TENM2: variants seen among roughly 807,000 people sequenced by gnomAD.
TENM2 encodes the protein teneurin transmembrane protein 2, also known as teneurin-2.
Under a neutral mutation model 245.2 loss-of-function variants are expected in TENM2, and 52 were observed. The observed-to-expected ratio is 0.21, with a 90% confidence interval of 0.17 to 0.27. TENM2 has a LOEUF of 0.27. Ranked by LOEUF, TENM2 falls within the 10% of genes least tolerant of loss-of-function variation. The probability of loss-of-function intolerance (pLI) is 1.00; values close to 1 mark genes in which losing one functional copy is unlikely to be tolerated. For missense variants in TENM2, 3,046 were observed against 3,666.8 expected (o/e 0.83, Z 4.37); for synonymous variants, 1,363 against 1,438.9 (o/e 0.95, Z 1.19).
intron 6 of TENM2, among the ~76,000 whole-genome samples, chr5:168,059,078 A>G (rs999309128): frequency 3.9e-5 from 6 of 152,200 alleles, no homozygotes; most frequent in Non-Finnish European, 7.3e-5. Context: ...TGAGGAAGCG[A>G]GGATCTAAAA....
chr5:167,190,286 A>G, the TENM2 span, among the ~76,000 whole-genome samples: 250 of 152,210 alleles, frequency 1.6e-3, no homozygotes, highest in African/African-American at 5.7e-3. Flanking sequence ...ATCAAGGATG[A>G]GAAAATACTT....
At chr5:168,200,585 A>T (rs532339048) in intron 17 of TENM2, among the ~76,000 whole-genome samples, 1 of 152,282 alleles carries the variant, frequency 6.6e-6, no homozygotes, top group Admixed American at 6.5e-5. Flanking sequence ...AATATTCAAG[A>T]TGTTGGGAGA....
chr5:167,801,112 ATATATATATATATATAT>A (rs1765718760), intron 2 of TENM2, among the ~76,000 whole-genome samples: 611 of 51,008 alleles, frequency 0.012, 23 homozygotes, highest in African/African-American at 0.043. Context: ...AAAAAAAAAT[ATATATATATATATATAT>A]ATATATATAT....
chr5:167,122,529 C>T, the TENM2 span, among the ~76,000 whole-genome samples: 1 of 152,134 alleles, frequency 6.6e-6, no homozygotes. Flanking sequence ...GCTTATGAAC[C>T]TAATAAATCC....
the TENM2 span, among the ~76,000 whole-genome samples, chr5:167,106,139 C>T: frequency 6.6e-6 from 1 of 151,894 alleles, no homozygotes; most frequent in Non-Finnish European, 1.5e-5. Flanking sequence ...TGGCTCTGTG[C>T]CTGGTACTAT....
chr5:168,109,423 T>A (rs1407801289), intron 9 of TENM2, among the ~76,000 whole-genome samples: 1 of 152,198 alleles, frequency 6.6e-6, no homozygotes, highest in Non-Finnish European at 1.5e-5. Context: ...GTCATGATCG[T>A]CTCCGTTTCA....
intron 13 of TENM2, among the ~76,000 whole-genome samples, chr5:168,179,832 T>C (rs1274299573): frequency 1.3e-5 from 2 of 152,218 alleles, no homozygotes; most frequent in Non-Finnish European, 2.9e-5. Context: ...AATAAAGGCA[T>C]GCGTTTAAAG....
At chr5:167,143,698 T>G in the TENM2 span, among the ~76,000 whole-genome samples, 1 of 152,192 alleles carries the variant, frequency 6.6e-6, no homozygotes, top group Non-Finnish European at 1.5e-5. Context: ...AAATGTCAGA[T>G]GATGGGAGCT....
At chr5:167,474,453 A>G (rs1344548127) in intron 2 of TENM2, among the ~76,000 whole-genome samples, 1 of 151,812 alleles carries the variant, frequency 6.6e-6, no homozygotes, top group East Asian at 1.9e-4. Context: ...TTTCCCATTC[A>G]CCCAATAAGC....
At chr5:167,381,549 C>T (rs1761096121) in intron 2 of TENM2, among the ~76,000 whole-genome samples, 1 of 152,042 alleles carries the variant, frequency 6.6e-6, no homozygotes, top group Admixed American at 6.6e-5. Flanking sequence ...TATTTTTGGC[C>T]GTTCTCAAAA....
chr5:167,863,458 TAC>T (rs35475369), intron 2 of TENM2, among the ~76,000 whole-genome samples: 30,775 of 142,634 alleles, frequency 0.22, 3,153 homozygotes, highest in Middle Eastern at 0.28. Context: ...CTACTAAAAA[TAC>T]ACACACACAC....
chr5:168,211,742 A>T, exon 20 of TENM2: 1 of 1,340,330 alleles, frequency 7.5e-7, no homozygotes, highest in Admixed American at 2.4e-5. Context: ...AGAAATAAAG[A>T]GTTTAAACAT....
intron 4 of TENM2, among the ~76,000 whole-genome samples, chr5:167,991,520 G>A (rs1380560348): frequency 6.6e-6 from 1 of 152,164 alleles, no homozygotes; most frequent in Non-Finnish European, 1.5e-5. Context: ...TCTTGTAAGT[G>A]GCATGTATAA....
In TENM2 at chr5:167,550,698, TAGTG is replaced by T. The variant is rs752825101; in HGVS notation, c.502+175226_502+175229del. 4.8e-4 allele frequency among the ~76,000 whole-genome samples: 49 copies of T among 102,486 alleles called. 3 individuals carry two copies. The East Asian group carries it at 9.5e-3, about 20-fold the overall frequency. 67.2% of individuals were successfully genotyped at this position (102,486 alleles called of 152,430 possible). A position where few individuals can be genotyped will look rare whatever the true frequency, so the allele number is the denominator to read the frequency against. On this transcript the variant is annotated intron_variant, in intron 2 of 28. Coordinates refer to ENST00000518659, the Ensembl canonical transcript of TENM2. The stretch of plus-strand genomic sequence containing the variant: ...CAATTACCTTTTTTTTTGTTGTTGT[TAGTG>T]TGTGTGTGTGTGTGTGTGTGTGTGT...
At chr5:167,680,357 G>C (rs1756623511) in intron 2 of TENM2, among the ~76,000 whole-genome samples, 1 of 151,932 alleles carries the variant, frequency 6.6e-6, no homozygotes, top group South Asian at 2.1e-4. Context: ...AAGGTTTCCA[G>C]GTAAAAAGGC....
chr5:167,034,709 CTCCAATTGGTTTT>C, the TENM2 span, among the ~76,000 whole-genome samples: 2 of 151,188 alleles, frequency 1.3e-5, no homozygotes, highest in Admixed American at 1.3e-4. Flanking sequence ...TATTATTTTC[CTCCAATTGGTTTT>C]TCCAAGAGAC....
intron 1 of TENM2, chr5:167,296,582 A>T (rs2127728202): frequency 6.6e-6 from 1 of 152,370 alleles, no homozygotes; most frequent in Non-Finnish European, 1.5e-5. Flanking sequence ...ATAAATAAAT[A>T]AAATCCAGTC....
intron 9 of TENM2, among the ~76,000 whole-genome samples, chr5:168,115,586 A>G (rs1475563662): frequency 6.6e-6 from 1 of 152,132 alleles, no homozygotes; most frequent in Non-Finnish European, 1.5e-5. Context: ...GCCATCCGTG[A>G]CAGCCCATCC....
chr5:168,240,645 CA>C (rs79738903), intron 25 of TENM2, among the ~76,000 whole-genome samples: 87,118 of 151,628 alleles, frequency 0.57, 25,521 homozygotes, highest in East Asian at 0.71. Context: ...GAGCAGACAC[CA>C]AAGCCTGGCA....
Sources: gnomAD v4.1 joint callset for allele counts (sites outside exome capture counted in the v4.1 genomes callset) on GRCh38, gnomAD v4.1.1 for gene constraint, MANE v1.5 for transcripts, NCBI Gene and HGNC (gene_info 2026-07-23, HGNC 2026-07-21) for gene names.